The following PDS5A variants were observed in gnomAD, a reference collection of about 807,000 sequenced individuals.
PDS5A encodes the protein PDS5 cohesin associated factor A, also known as sister chromatid cohesion protein PDS5 homolog A.
Under a neutral mutation model 167.1 loss-of-function variants are expected in PDS5A, and 42 were observed. The ratio of observed to expected loss-of-function variants is 0.25; its 90% confidence interval spans 0.20 to 0.33. The LOEUF (loss-of-function observed/expected upper bound fraction) is 0.33, where lower values mean the gene tolerates loss of function less well. Ranked by LOEUF, PDS5A falls within the 10% of genes least tolerant of loss-of-function variation. The pLI is 1.00. For synonymous variants in PDS5A, 553 were observed against 554.6 expected, an observed-to-expected ratio of 1.00 and a Z score of 0.04; for missense variants, 1,033 against 1,605.9, an observed-to-expected ratio of 0.64 and a Z score of 6.10.
chr4:39,859,230 AACTT>A (rs1346603586), intron 26 of PDS5A, among the ~76,000 whole-genome samples: 1 of 152,206 alleles, frequency 6.6e-6, no homozygotes, highest in Admixed American at 6.5e-5. Flanking sequence ...CTGACACAAT[AACTT>A]ACTAATTTCC....
intron 2 of PDS5A, among the ~76,000 whole-genome samples, chr4:39,954,765 C>A: frequency 6.7e-6 from 1 of 149,944 alleles, no homozygotes; most frequent in Non-Finnish European, 1.5e-5. Context: ...TGAGGCCAGG[C>A]AGAGAGCCTC....
intron 17 of PDS5A, among the ~76,000 whole-genome samples, chr4:39,886,441 G>A (rs1721482534): frequency 6.6e-6 from 1 of 151,862 alleles, no homozygotes. Context: ...TGGCCGGGCG[G>A]GGTGGCTCAC....
intron 17 of PDS5A, among the ~76,000 whole-genome samples, chr4:39,888,549 C>T (rs1407523927): frequency 6.6e-6 from 1 of 151,664 alleles, no homozygotes; most frequent in Non-Finnish European, 1.5e-5. Context: ...AACCTAAGTG[C>T]ACATCAACGA....
chr4:39,846,780 AT>A (rs1053276308), intron 28 of PDS5A: 7 of 152,208 alleles, frequency 4.6e-5, no homozygotes, highest in African/African-American at 1.4e-4. Context: ...ATTAAAAAAT[AT>A]TTTTTATTGT....
intron 28 of PDS5A, chr4:39,847,661 A>T (rs1717742258): frequency 6.6e-6 from 1 of 152,116 alleles, no homozygotes; most frequent in Non-Finnish European, 1.5e-5. Flanking sequence ...GCAAATTCTC[A>T]TTATTTCTAT....
chr4:39,913,334 C>T (rs181060264), intron 9 of PDS5A, among the ~76,000 whole-genome samples: 8 of 152,278 alleles, frequency 5.3e-5, no homozygotes, highest in African/African-American at 1.9e-4. Context: ...CCACCTCAGC[C>T]TCCCAAAGTG....
At chr4:39,915,609 C>T (rs942597448) in intron 8 of PDS5A, among the ~76,000 whole-genome samples, 6 of 152,044 alleles carry the variant, frequency 3.9e-5, no homozygotes, top group African/African-American at 9.7e-5. Flanking sequence ...ATCTGCCTGC[C>T]TCCACCTCCC....
At chr4:39,916,221 T>G (rs1333440954) in intron 8 of PDS5A, among the ~76,000 whole-genome samples, 2 of 150,720 alleles carry the variant, frequency 1.3e-5, no homozygotes, top group African/African-American at 2.4e-5. Context: ...AAAAAGAGAC[T>G]GAGACAAGAG....
chr4:39,962,663 G>T (rs1002322447), intron 2 of PDS5A, among the ~76,000 whole-genome samples: 1 of 151,930 alleles, frequency 6.6e-6, no homozygotes, highest in Non-Finnish European at 1.5e-5. Flanking sequence ...AATTAGCCAG[G>T]TGTGGTGACA....
chr4:39,902,949 T>C (rs1000990975), intron 12 of PDS5A, among the ~76,000 whole-genome samples: 1 of 152,236 alleles, frequency 6.6e-6, no homozygotes, highest in Non-Finnish European at 1.5e-5. Flanking sequence ...CAGTACAGTT[T>C]AACTTTAGAG....
intron 2 of PDS5A, chr4:39,973,562 A>T: frequency 1.6e-6 from 2 of 1,236,198 alleles, no homozygotes. Context: ...GCTATGATGG[A>T]GGGTGGTCAC....
chr4:39,836,794 A>G (rs1716451641), intron 32 of PDS5A, among the ~76,000 whole-genome samples: 2 of 141,308 alleles, frequency 1.4e-5, no homozygotes. Context: ...ATGTTTTTAC[A>G]CACATGCTTC....
intron 2 of PDS5A, among the ~76,000 whole-genome samples, chr4:39,955,133 A>G (rs539603659): frequency 6.6e-6 from 1 of 152,310 alleles, no homozygotes; most frequent in East Asian, 1.9e-4. Context: ...CTGGCCAAAC[A>G]AGAAAAGCCA....
chr4:39,887,049 T>C (rs977151528), intron 17 of PDS5A, among the ~76,000 whole-genome samples: 11 of 152,172 alleles, frequency 7.2e-5, no homozygotes, highest in African/African-American at 2.7e-4. Flanking sequence ...TCTGTGATAA[T>C]GTCATCTGCG....
intron 32 of PDS5A, 132 bp from the exon 33 acceptor site, chr4:39,825,620 C>G: frequency 3.2e-6 from 2 of 627,720 alleles, no homozygotes; most frequent in Non-Finnish European, 5.2e-6. Flanking sequence ...ATCAGGATCT[C>G]ACTCTGTCAC....
At chr4:39,878,636 T>TACC (rs1369010110) in intron 18 of PDS5A, among the ~76,000 whole-genome samples, 1 of 152,170 alleles carries the variant, frequency 6.6e-6, no homozygotes, top group Admixed American at 6.5e-5. Context: ...TAAAAAATGT[T>TACC]ACCTTAAAGG....
chr4:39,853,504 C>G (rs1251067502), intron 26 of PDS5A, among the ~76,000 whole-genome samples: 2 of 152,182 alleles, frequency 1.3e-5, no homozygotes, highest in East Asian at 1.9e-4. Context: ...TCACCCTCAC[C>G]TACCAGTAGA....
rs148453486 is a variant in PDS5A, at chr4:39,895,961, T to C, written c.1770+2428A>G. On this transcript the variant is annotated intron_variant, in intron 16 of 32. Coordinates refer to ENST00000303538, the MANE Select transcript of PDS5A (RefSeq NM_001100399.2). ...GGATGGTCTCGATCTCCCGACCTCATGATCTGCCAACCTCGGCCTCCCAAA... is the reference window on the plus strand; with the variant it reads ...GGATGGTCTCGATCTCCCGACCTCACGATCTGCCAACCTCGGCCTCCCAAA... 3.4e-4 allele frequency among the ~76,000 whole-genome samples: 52 copies of C among 151,472 alleles called. 1 individual carries two copies. Among genetic ancestry groups the C allele is most frequent in the African/African-American group, 1.2e-3 (50 of 41,328 alleles).
At chr4:39,883,153 C>T (rs550278916) in intron 17 of PDS5A, among the ~76,000 whole-genome samples, 2 of 152,202 alleles carry the variant, frequency 1.3e-5, no homozygotes, top group East Asian at 1.9e-4. Flanking sequence ...CCCTTATCTG[C>T]AATCTGTCTT....
Sources: gnomAD v4.1 joint callset for allele counts (sites outside exome capture counted in the v4.1 genomes callset) on GRCh38, gnomAD v4.1.1 for gene constraint, MANE v1.5 for transcripts, NCBI Gene and HGNC (gene_info 2026-07-23, HGNC 2026-07-21) for gene names.